FAR2: variants seen among roughly 807,000 people sequenced by gnomAD.
FAR2 encodes the protein epididymis secretory protein Li 81.
A neutral mutation model predicts 56.0 loss-of-function variants in FAR2; 19 were observed. The ratio of observed to expected loss-of-function variants is 0.34; its 90% CI spans 0.24 to 0.50. The LOEUF is 0.50. Among genes scored for constraint, FAR2 ranks in the 20% least tolerant of loss-of-function variants. The pLI is 0.98. For synonymous variants in FAR2, 219 were observed against 218.8 expected (o/e 1.00, Z -0.01); for missense variants, 508 against 642.2 (o/e 0.79, Z 2.26).
rs1437451414 is a variant in FAR2, at chr12:29,225,176, C to T, written c.-38-45236C>T. On this transcript the variant is annotated intron_variant, in intron 1 of 11. Transcript: ENST00000536681. Reference sequence around the variant, plus strand: ...ACTTGAGCCTGGGAGGTCGAGGCTCCAGTGACCTGTAATGGTGCCACTGTA... The same window carrying T: ...ACTTGAGCCTGGGAGGTCGAGGCTCTAGTGACCTGTAATGGTGCCACTGTA... Among the ~76,000 whole-genome samples, 3 of 152,128 alleles carry T rather than the reference C, an allele frequency of 2.0e-5. No individual in the cohort carries two copies. In the East Asian group the frequency reaches 5.8e-4, roughly 29 times the overall value.
At chr12:29,247,186 TA>T (rs1948141965) in intron 1 of FAR2, among the ~76,000 whole-genome samples, 1 of 152,162 alleles carries the variant, frequency 6.6e-6, no homozygotes, top group Admixed American at 6.5e-5. Flanking sequence ...TTAACCTTCA[TA>T]TTAACTTTTT....
intron 1 of FAR2, among the ~76,000 whole-genome samples, chr12:29,225,762 G>A (rs1465240275): frequency 6.6e-6 from 1 of 152,192 alleles, no homozygotes; most frequent in African/African-American, 2.4e-5. Flanking sequence ...CCACAGCTTT[G>A]TTTATCACAT....
intron 1 of FAR2, among the ~76,000 whole-genome samples, chr12:29,224,602 G>T (rs1947736136): frequency 6.6e-6 from 1 of 152,088 alleles, no homozygotes; most frequent in Non-Finnish European, 1.5e-5. Context: ...CAACTTCAAA[G>T]TACTCAGAAG....
At chr12:29,194,817 G>A (rs1950132225) in intron 1 of FAR2, among the ~76,000 whole-genome samples, 1 of 152,104 alleles carries the variant, frequency 6.6e-6, no homozygotes, top group African/African-American at 2.4e-5. Context: ...AAGAGAAGAT[G>A]GAAGGGTTAG....
At chr12:29,247,924 G>A (rs967197943) in intron 1 of FAR2, among the ~76,000 whole-genome samples, 2 of 152,156 alleles carry the variant, frequency 1.3e-5, no homozygotes, top group African/African-American at 4.8e-5. Flanking sequence ...GTAGCCATTT[G>A]TTTCAACTTT....
rs1353497363 is a variant in FAR2, at chr12:29,332,683, A to G, written c.1341A>G (p.Lys447=). The G allele has an allele frequency of 6.2e-7, 1 of 1,613,772 alleles. No homozygotes were observed. Among genetic ancestry groups the G allele is most frequent in the Admixed American group, 1.7e-5 (1 of 59,996 alleles). The part of the protein sequence containing the change: ...YVLGVKKYLL[K]EDMAGIPKAK... ...TGGGAGTTAAAAAATACTTATTGAA[A>G]GAGGATATGGCTGGGATCCCAAAAG... Residue 447 remains lysine, a synonymous_variant, in exon 11 of 12, where the codon AAA becomes AAG. Coordinates refer to ENST00000536681, the MANE Select transcript of FAR2 (RefSeq NM_001271783.2).
chr12:29,308,088 G>C (rs1341290998), intron 5 of FAR2: 6 of 332,584 alleles, frequency 1.8e-5, no homozygotes, highest in Non-Finnish European at 3.3e-5. Flanking sequence ...AACTACTCTA[G>C]TCTCAAAATT....
chr12:29,254,164 G>T (rs556206505), intron 1 of FAR2, among the ~76,000 whole-genome samples: 1 of 152,034 alleles, frequency 6.6e-6, no homozygotes, highest in East Asian at 1.9e-4. Context: ...AATTCCCCTG[G>T]GAGTTAATAT....
intron 4 of FAR2, among the ~76,000 whole-genome samples, chr12:29,302,328 G>T (rs1949186419): frequency 6.6e-6 from 1 of 150,952 alleles, no homozygotes; most frequent in African/African-American, 2.4e-5. Flanking sequence ...GAACACGGCA[G>T]AATTATACAC....
At chr12:29,244,216 C>G (rs539112417) in intron 1 of FAR2, among the ~76,000 whole-genome samples, 1 of 152,278 alleles carries the variant, frequency 6.6e-6, no homozygotes, top group South Asian at 2.1e-4. Flanking sequence ...CTATTTTGGT[C>G]ACTTCATGCT....
chr12:29,279,140 C>A (rs375026158), intron 2 of FAR2, among the ~76,000 whole-genome samples: 1 of 152,206 alleles, frequency 6.6e-6, no homozygotes, highest in Non-Finnish European at 1.5e-5. Flanking sequence ...CTCCAAGAAT[C>A]GTTGAGAATT....
chr12:29,233,453 G>T (rs754818689), intron 1 of FAR2, among the ~76,000 whole-genome samples: 2 of 152,128 alleles, frequency 1.3e-5, no homozygotes, highest in Admixed American at 6.5e-5. Context: ...GACATCCATT[G>T]CTACCTCAAA....
At chr12:29,286,596 G>A (rs1044760594) in intron 2 of FAR2, among the ~76,000 whole-genome samples, 27 of 152,150 alleles carry the variant, frequency 1.8e-4, no homozygotes, top group Non-Finnish European at 3.2e-4. Flanking sequence ...CCAGATGCAA[G>A]AAACAATTCT....
intron 1 of FAR2, 114 bp from the exon 2 acceptor site, chr12:29,270,298 T>G: frequency 1.4e-6 from 1 of 695,010 alleles, no homozygotes; most frequent in Non-Finnish European, 2.3e-6. Context: ...TCTCACTGTC[T>G]GACCTATTTT....
intron 9 of FAR2, among the ~76,000 whole-genome samples, chr12:29,321,091 T>TTG (rs1323354663): frequency 6.6e-6 from 1 of 151,802 alleles, no homozygotes; most frequent in Non-Finnish European, 1.5e-5. Context: ...ACAAGAAGTT[T>TTG]TTTTTTTTTT....
At chr12:29,155,726 C>G (rs1949720588) in intron 1 of FAR2, among the ~76,000 whole-genome samples, 1 of 152,178 alleles carries the variant, frequency 6.6e-6, no homozygotes, top group Non-Finnish European at 1.5e-5. Context: ...GTCTAGTCAT[C>G]CCTATTGGCT....
intron 10 of FAR2, among the ~76,000 whole-genome samples, chr12:29,330,308 C>T (rs1949713913): frequency 6.6e-6 from 1 of 152,238 alleles, no homozygotes; most frequent in Non-Finnish European, 1.5e-5. Context: ...CTGCCCGCCT[C>T]GACCTCCCAA....
chr12:29,253,611 A>G (rs1437126849), intron 1 of FAR2, among the ~76,000 whole-genome samples: 2 of 152,120 alleles, frequency 1.3e-5, no homozygotes, highest in Non-Finnish European at 2.9e-5. Context: ...TCCTGTTCTC[A>G]TTGGGTTTTA....
At chr12:29,219,822 G>A (rs1397230862) in intron 1 of FAR2, among the ~76,000 whole-genome samples, 1 of 151,988 alleles carries the variant, frequency 6.6e-6, no homozygotes, top group African/African-American at 2.4e-5. Context: ...TAAAAGCTAT[G>A]TTTTTTTAAG....
Sources: allele counts gnomAD v4.1 joint callset (sites outside exome capture counted in the v4.1 genomes callset), GRCh38; gene constraint gnomAD v4.1.1; transcripts MANE v1.5; gene names NCBI Gene and HGNC (gene_info 2026-07-23, HGNC 2026-07-21).